Variants in E2F7 observed in about 807,000 individuals in gnomAD.
E2F7 encodes transcription factor E2F7.
A neutral mutation model predicts 81.1 loss-of-function variants in E2F7; 35 were observed. The observed-to-expected ratio is 0.43, with a 90% CI of 0.33 to 0.57. E2F7 has a LOEUF of 0.57. Ranked by LOEUF, E2F7 falls within the 20% of genes least tolerant of loss-of-function variation. The pLI, the probability that E2F7 is intolerant of heterozygous loss-of-function variation, is 0.04. For missense variants in E2F7, 961 were observed against 1,093.7 expected, an observed-to-expected ratio of 0.88 and a Z score of 1.71; for synonymous variants, 416 against 416.2, an observed-to-expected ratio of 1.00 and a Z score of 0.01.
intron 7 of E2F7, 71 bp downstream of exon 7, chr12:77,042,994 G>C: frequency 6.2e-7 from 1 of 1,603,094 alleles, no homozygotes; most frequent in East Asian, 2.2e-5. Context: ...CTGTGTAGTA[G>C]ATGTGAGACT....
chr12:77,062,887 T>TAAA (rs200772361), intron 2 of E2F7, among the ~76,000 whole-genome samples: 48 of 131,894 alleles, frequency 3.6e-4, no homozygotes, highest in African/African-American at 1.2e-3. Flanking sequence ...CTTAGATAAT[T>TAAA]AAAAAAAAAA....
In E2F7 at chr12:77,030,111, C is replaced by A; in HGVS notation, c.1604G>T (p.Ser535Ile). The A allele has an allele frequency of 5.0e-6, 8 of 1,614,230 alleles. No homozygotes were observed. The highest frequency in any genetic ancestry group is 6.8e-6 in the Non-Finnish European group (8 of 1,180,044). ...GCCAGCAAGGAGTGCTGGCTTCAGGCTCTCCACAGCAGAGGCTGCAGAAGC... is the reference window on the plus strand; with the variant it reads ...GCCAGCAAGGAGTGCTGGCTTCAGGATCTCCACAGCAGAGGCTGCAGAAGC... The part of the protein sequence containing the change: ...SLASAASAVE[S>I]LKPALLAGQP... Residue 535 changes from serine to isoleucine, a missense_variant, in exon 10 of 13, where the codon AGC becomes ATC. Around this residue, in one of 3 missense-constraint regions of E2F7, gnomAD observed 587 missense variants for 620.3 expected, o/e 0.95. Coordinates refer to ENST00000322886, the MANE Select transcript of E2F7 (RefSeq NM_203394.3).
Position 77,064,753 on chromosome 12 carries a change from C to T in E2F7, c.1-118G>A, listed in dbSNP as rs542254763. 1.7e-5 allele frequency: 14 copies of T among 808,522 alleles called. No homozygotes were observed. The East Asian group carries it at 3.2e-4, about 18-fold the overall frequency. The allele number at this position is 808,522 out of a possible 1,614,324, so 50.1% of individuals were successfully genotyped here. On this transcript the variant is annotated intron_variant, in intron 1 of 12. Coordinates refer to ENST00000322886, the MANE Select transcript of E2F7 (RefSeq NM_203394.3). ...TATGAAATTCCCCCTTCTCTAAGCACATCCTGGGCATTTCCAGGAGTTGTA... is the reference window on the plus strand; with the variant it reads ...TATGAAATTCCCCCTTCTCTAAGCATATCCTGGGCATTTCCAGGAGTTGTA...
chr12:77,058,808 C>T lies in E2F7; in HGVS notation c.94-2678G>A, dbSNP rs1274945641. Among the ~76,000 whole-genome samples the T allele has an allele frequency of 3.9e-5, 6 of 152,172 alleles. No homozygotes were observed. The East Asian group carries it at 9.6e-4, about 24-fold the overall frequency. ...TTTATTACCATTCACTCTGGCATTT[C>T]GAGCTAAATATACTACAGCACATCA... On this transcript the variant is annotated intron_variant, in intron 2 of 12. Coordinates refer to ENST00000322886, the MANE Select transcript of E2F7 (RefSeq NM_203394.3).
In E2F7 at chr12:77,027,963, T is replaced by C. The variant is rs757025418; in HGVS notation, c.2060A>G (p.Asp687Gly). 3.7e-6 allele frequency: 6 copies of C among 1,614,222 alleles called. No individual in the cohort carries two copies. The highest frequency in any genetic ancestry group is 1.1e-5 in the South Asian group (1 of 91,088). ...SEWGNPSRNTDVEKPSKENES... is the reference protein window; with the variant it reads ...SEWGNPSRNTGVEKPSKENES... ...ATTTTCTTTTGAAGGCTTTTCAACA[T>C]CTGTATTTCTTGAAGGATTTCCCCA... is the stretch of plus-strand genomic sequence containing the variant. The change falls in exon 11 of 13, where the codon GAT becomes GGT. Residue 687 changes from aspartate (D) to glycine (G), a missense_variant. This residue lies in a region of E2F7 where 587 missense variants were observed against 620.3 expected (regional missense o/e 0.95). Transcript: ENST00000322886.
chr12:77,037,383 G>A (rs1448470789), intron 7 of E2F7, among the ~76,000 whole-genome samples: 1 of 152,040 alleles, frequency 6.6e-6, no homozygotes, highest in African/African-American at 2.4e-5. Flanking sequence ...TTGAGCTCAG[G>A]AATTCGAGAC....
intron 3 of E2F7, 142 bp from the exon 4 acceptor site, chr12:77,050,886 C>A: frequency 1.2e-6 from 1 of 816,756 alleles, no homozygotes. Flanking sequence ...ATTTCCTAAT[C>A]TAATTCCCTG....
intron 4 of E2F7, among the ~76,000 whole-genome samples, chr12:77,047,380 A>T (rs2120710419): frequency 6.6e-6 from 1 of 152,316 alleles, no homozygotes; most frequent in African/African-American, 2.4e-5. Flanking sequence ...TACTTTTGTC[A>T]TTCCTTTTGG....
intron 7 of E2F7, among the ~76,000 whole-genome samples, chr12:77,038,446 C>T (rs1017627782): frequency 6.6e-6 from 1 of 151,756 alleles, no homozygotes; most frequent in Non-Finnish European, 1.5e-5. Context: ...ATTAAAAATC[C>T]CTAAGAGAAA....
At chr12:77,050,831 G>C in intron 3 of E2F7, 87 bp from the exon 4 acceptor site, 3 of 1,363,628 alleles carry the variant, frequency 2.2e-6, no homozygotes, top group Non-Finnish European at 3.0e-6. Context: ...TGGCAAACTG[G>C]GGGGACATCT....
chr12:77,063,124 A>G (rs564832541), intron 2 of E2F7, among the ~76,000 whole-genome samples: 50 of 152,276 alleles, frequency 3.3e-4, no homozygotes, highest in African/African-American at 1.1e-3. Flanking sequence ...TACCTGCTCG[A>G]GCAGCCACTG....
chr12:77,024,143 G>C lies in E2F7; in HGVS notation c.2608C>G (p.Arg870Gly). ...VTPKSIQRTH[R>G]ETFFKTPGSL... is the part of the protein sequence containing the mutation. ...CCGGGTGTCTTGAAAAACGTCTCACGATGTGTGCGTTGGATGCTCTTGGGG... is the reference window on the plus strand; with the variant it reads ...CCGGGTGTCTTGAAAAACGTCTCACCATGTGTGCGTTGGATGCTCTTGGGG... The change falls in exon 13 of 13, where the codon CGT becomes GGT. Residue 870 changes from arginine (R) to glycine (G), a missense_variant. This residue lies in a region of E2F7 where 587 missense variants were observed against 620.3 expected (regional missense o/e 0.95). Transcript: ENST00000322886. 1 of 1,614,016 alleles carries C rather than the reference G, an allele frequency of 6.2e-7. No homozygotes were observed. Among genetic ancestry groups the C allele is most frequent in the South Asian group, 1.1e-5 (1 of 91,048 alleles).
intron 9 of E2F7, among the ~76,000 whole-genome samples, chr12:77,030,778 T>A (rs1352234898): frequency 1.3e-5 from 2 of 152,186 alleles, no homozygotes; most frequent in African/African-American, 4.8e-5. Flanking sequence ...TCACCCTGCC[T>A]CGGGTGAGCC....
intron 7 of E2F7, among the ~76,000 whole-genome samples, chr12:77,037,875 A>G (rs1285512562): frequency 6.6e-6 from 1 of 152,208 alleles, no homozygotes; most frequent in Admixed American, 6.5e-5. Flanking sequence ...TGGTCAGATT[A>G]GATTTAAAAA....
chr12:77,050,812 G>A, intron 3 of E2F7, 68 bp from the exon 4 acceptor site: 2 of 1,525,554 alleles, frequency 1.3e-6, no homozygotes. Flanking sequence ...AAATGGCAAT[G>A]GCCAGTGTTG....
rs1954711063 is a variant in E2F7 at position 77,021,599 on chromosome 12, T to A, written c.*2416A>T. On this transcript the variant is annotated 3_prime_UTR_variant, in exon 13 of 13. Coordinates refer to ENST00000322886, the MANE Select transcript of E2F7 (RefSeq NM_203394.3). ...CAAGTATAAAAGTTATACCCCCGACTCTTGTACCAGAATGAAAGGGTTTTA... is the reference window on the plus strand; with the variant it reads ...CAAGTATAAAAGTTATACCCCCGACACTTGTACCAGAATGAAAGGGTTTTA... 6.6e-6 allele frequency: 1 copy of A among 152,638 alleles called. No homozygotes were observed. The highest frequency in any genetic ancestry group is 2.4e-5 in the African/African-American group (1 of 41,458). The allele number at this position is 152,638 out of a possible 1,614,324, so 9.5% of individuals were successfully genotyped here.
chr12:77,054,889 G>C (rs1358724917), intron 3 of E2F7, among the ~76,000 whole-genome samples: 1 of 152,060 alleles, frequency 6.6e-6, no homozygotes, highest in Non-Finnish European at 1.5e-5. Context: ...CATTTTACAG[G>C]TGAGTAAATT....
intron 4 of E2F7, among the ~76,000 whole-genome samples, chr12:77,048,090 C>T (rs1417817501): frequency 6.6e-6 from 1 of 152,180 alleles, no homozygotes; most frequent in African/African-American, 2.4e-5. Context: ...GTATGATTCT[C>T]AGGATGCACA....
At chr12:77,033,476 T>C (rs1223899142) in intron 8 of E2F7, among the ~76,000 whole-genome samples, 1 of 152,104 alleles carries the variant, frequency 6.6e-6, no homozygotes. Context: ...CATGCCACTG[T>C]ACTCCAGCCT....
Sources: allele counts gnomAD v4.1 joint callset (sites outside exome capture counted in the v4.1 genomes callset), GRCh38; gene constraint gnomAD v4.1.1; regional missense constraint gnomAD v4.1.1; transcripts MANE v1.5; gene names NCBI Gene and HGNC (gene_info 2026-07-23, HGNC 2026-07-21).